PIH1D1: variants seen among roughly 807,000 people sequenced by gnomAD.
The protein encoded by PIH1D1 is PIH1 domain-containing protein 1.
A neutral mutation model predicts 38.5 loss-of-function variants in PIH1D1; 28 were observed. That is an observed-to-expected ratio of 0.73 (90% CI 0.54 to 1.00). The LOEUF (loss-of-function observed/expected upper bound fraction) is 1.00. Among genes scored for constraint, PIH1D1 ranks in the 50% least tolerant of loss-of-function variants. The pLI is 0.00. For synonymous variants in PIH1D1, 155 were observed against 153.5 expected, an observed-to-expected ratio of 1.01 and a Z score of -0.07; for missense variants, 343 against 369.9, an observed-to-expected ratio of 0.93 and a Z score of 0.60.
At position 49,451,538 on chromosome 19, in the gene PIH1D1, C is replaced by A. The variant is rs1285689865; in HGVS notation, c.37G>T (p.Glu13Ter). 6.2e-7 allele frequency: 1 copy of A among 1,613,666 alleles called. No individual in the cohort carries two copies. The highest frequency in any genetic ancestry group is 8.5e-7 in the Non-Finnish European group (1 of 1,179,980). ...NPKLLGMGLS[E>*]AEAIGADSAR... ...GAATCAGCACCGATCGCCTCCGCCT[C>A]GCTTAGCCCCATTCCCAGCAGCTTC... Residue 13 changes from glutamate (E) to a stop codon, truncating the protein, a stop_gained, in exon 1 of 9, where the codon GAG (glutamate) becomes TAG (stop). Transcript: ENST00000262265. LOFTEE classifies it high-confidence loss of function.
intron 1 of PIH1D1, 144 bp from the exon 2 acceptor site, chr19:49,450,992 A>G: frequency 6.7e-7 from 1 of 1,490,808 alleles, no homozygotes. Context: ...TCCTTTGAGA[A>G]CTAGAAGAAC....
rs372579890 is a variant in PIH1D1 at position 49,451,575 on chromosome 19, G to A, written c.-1C>T. ...TTCCCAGCAGCTTCGGGTTCGCCAT[G>A]GCCCTGGGAAAGAGATCTAGGCGTC... On this transcript the variant is annotated 5_prime_UTR_variant, in exon 1 of 9. Transcript: ENST00000262265. The A allele has an allele frequency of 5.2e-4, 831 of 1,612,988 alleles. 1 individual carries two copies. Among genetic ancestry groups the A allele is most frequent in the South Asian group, 8.0e-4 (73 of 91,074 alleles).
chr19:49,447,204 C>T, intron 6 of PIH1D1, 105 bp from the exon 7 acceptor site: 2 of 1,486,460 alleles, frequency 1.3e-6, no homozygotes, highest in Non-Finnish European at 1.8e-6. Context: ...AGGACGCCTT[C>T]CCAGTCAGGA....
chr19:49,447,270 G>A, intron 6 of PIH1D1, 68 bp downstream of exon 6: 1 of 1,597,110 alleles, frequency 6.3e-7, no homozygotes, highest in South Asian at 1.1e-5. Context: ...CCCAGTGTGG[G>A]AGGATGGAGG....
At chr19:49,450,503 C>A (rs1398476335) in intron 2 of PIH1D1, among the ~76,000 whole-genome samples, 2 of 152,128 alleles carry the variant, frequency 1.3e-5, no homozygotes, top group South Asian at 4.1e-4. Flanking sequence ...ACTGCAACTT[C>A]TGCCTCTTGG....
intron 2 of PIH1D1, among the ~76,000 whole-genome samples, chr19:49,450,263 G>A (rs1268986276): frequency 2.0e-5 from 3 of 151,558 alleles, no homozygotes; most frequent in Non-Finnish European, 4.4e-5. Flanking sequence ...AGCTAATTTT[G>A]TTTATTTTTA....
At position 49,446,338 on chromosome 19, in the gene PIH1D1, G is replaced by A. The variant is rs2122323432; in HGVS notation, c.*44C>T. ...TTTATTTCAACTTTTAGGGAAGCCA[G>A]CAGCCTCTTCTCCACATCTCAGAAG... On this transcript the variant is annotated 3_prime_UTR_variant, in exon 9 of 9. Transcript: ENST00000262265. 3 of 785,162 alleles carry A rather than the reference G, an allele frequency of 3.8e-6. No homozygotes were observed. Among genetic ancestry groups the A allele is most frequent in the South Asian group, 1.3e-5 (1 of 74,694 alleles). 48.6% of individuals were successfully genotyped at this position (785,162 alleles called of 1,614,324 possible). A position where few individuals can be genotyped will look rare whatever the true frequency, so the allele number is the denominator to read the frequency against.
intron 1 of PIH1D1, 155 bp from the exon 2 acceptor site, chr19:49,451,003 A>C (rs1411996140): frequency 4.6e-6 from 6 of 1,310,536 alleles, no homozygotes; most frequent in Non-Finnish European, 6.2e-6. Context: ...CTAGAAGAAC[A>C]ACCCCAACCC....
intron 2 of PIH1D1, 84 bp from the exon 3 acceptor site, chr19:49,449,738 C>T (rs1353067434): frequency 6.7e-6 from 8 of 1,190,604 alleles, no homozygotes; most frequent in Non-Finnish European, 9.5e-6. Flanking sequence ...TGTCTCTTTT[C>T]CTTTTGCCCT....
Position 49,447,892 on chromosome 19 carries a change from C to T in PIH1D1, c.416G>A (p.Arg139Gln), listed in dbSNP as rs767586614. The change falls in exon 5 of 9, where the codon CGG (arginine) becomes CAG (glutamine). Residue 139 changes from arginine to glutamine, a missense_variant. By Grantham distance (43) the Arg-to-Gln change is conservative. Transcript: ENST00000262265. ...YRRMQNSDFL[R>Q]ELVITIAREG... ...CCTGGCGATGGTGATCACGAGCTCC[C>T]GCAAGAAATCGCTGTTCTGGGGTGA... The T allele has an allele frequency of 1.9e-6, 3 of 1,613,956 alleles. No individual in the cohort carries two copies. The highest frequency in any genetic ancestry group is 3.3e-5 in the Admixed American group (2 of 60,000).
Position 49,451,686 on chromosome 19 carries a change from A to G in PIH1D1, c.-112T>C. 6.7e-7 allele frequency: 1 copy of G among 1,488,738 alleles called. No homozygotes were observed. Among genetic ancestry groups the G allele is most frequent in the Non-Finnish European group, 8.9e-7 (1 of 1,123,168 alleles). The allele number at this position is 1,488,738 out of a possible 1,614,324, so 92.2% of individuals were successfully genotyped here. A position where few individuals can be genotyped will look rare whatever the true frequency, so the allele number is the denominator to read the frequency against. On this transcript the variant is annotated 5_prime_UTR_variant, in exon 1 of 9. Transcript: ENST00000262265. Reference sequence around the variant, plus strand: ...CCTCAATCGACTCCGGATACCTACTATCCTGTTCAAAAACCTAAGACTGGC... The same window carrying G: ...CCTCAATCGACTCCGGATACCTACTGTCCTGTTCAAAAACCTAAGACTGGC...
At position 49,448,065 on chromosome 19, in the gene PIH1D1, G is replaced by T; in HGVS notation, c.338-3C>A. ...GTAGGCGGTACATCCCTGGCCTTCT[G>T]CGGGGAGAAAAAGGGGGTGAGGACC... is the stretch of plus-strand genomic sequence containing the variant. On this transcript the variant is annotated splice_region_variant and splice_polypyrimidine_tract_variant and intron_variant, in intron 3 of 8. Transcript: ENST00000262265. 1 of 1,614,134 alleles carries T rather than the reference G, an allele frequency of 6.2e-7. No individual in the cohort carries two copies. Among genetic ancestry groups the T allele is most frequent in the South Asian group, 1.1e-5 (1 of 91,090 alleles).
chr19:49,447,217 T>G, intron 6 of PIH1D1, 118 bp from the exon 7 acceptor site: 2 of 1,501,110 alleles, frequency 1.3e-6, no homozygotes, highest in Non-Finnish European at 1.8e-6. Context: ...AGTCAGGAGT[T>G]CTCTCTCCTC....
At position 49,448,073 on chromosome 19, in the gene PIH1D1, A is replaced by G. The variant is rs200991965; in HGVS notation, c.338-11T>C. The G allele has an allele frequency of 4.7e-4, 753 of 1,613,498 alleles. 1 individual carries two copies. Among genetic ancestry groups the G allele is most frequent in the African/African-American group, 3.3e-3 (247 of 75,002 alleles). On this transcript the variant is annotated splice_polypyrimidine_tract_variant and intron_variant, in intron 3 of 8. Coordinates refer to ENST00000262265, the MANE Select transcript of PIH1D1 (RefSeq NM_017916.3). ...TACATCCCTGGCCTTCTGCGGGGAG[A>G]AAAAGGGGGTGAGGACCCCCCAGCC...
chr19:49,446,334 G>C lies in PIH1D1; in HGVS notation c.*48C>G, dbSNP rs1400903283. On this transcript the variant is annotated 3_prime_UTR_variant, in exon 9 of 9. Coordinates refer to ENST00000262265, the MANE Select transcript of PIH1D1 (RefSeq NM_017916.3). ...ATCTTTTATTTCAACTTTTAGGGAA[G>C]CCAGCAGCCTCTTCTCCACATCTCA... 1 of 784,308 alleles carries C rather than the reference G, an allele frequency of 1.3e-6. No individual in the cohort carries two copies. The allele number at this position is 784,308 out of a possible 1,614,324, so 48.6% of individuals were successfully genotyped here. A position where few individuals can be genotyped will look rare whatever the true frequency, so the allele number is the denominator to read the frequency against.
At chr19:49,450,135 A>C (rs1345953916) in intron 2 of PIH1D1, among the ~76,000 whole-genome samples, 2 of 151,892 alleles carry the variant, frequency 1.3e-5, no homozygotes, top group East Asian at 3.9e-4. Context: ...TGTGTCACCC[A>C]GGTTGGAGTG....
rs750947391 is a variant in PIH1D1 at position 49,446,670 on chromosome 19, C to G, written c.712G>C (p.Glu238Gln). The change falls in exon 8 of 9, where the codon GAG becomes CAG. Residue 238 changes from glutamate (E) to glutamine (Q), a missense_variant. Transcript: ENST00000262265. ...ATCACCAGGCGGTTCTCCCCGATCTCCAGCGACAGCCCCAGGGCTCCATCC... is the reference window on the plus strand; with the variant it reads ...ATCACCAGGCGGTTCTCCCCGATCTGCAGCGACAGCCCCAGGGCTCCATCC... Reference protein sequence around the residue: ...KLDGALGLSLEIGENRLVMGG... With the variant: ...KLDGALGLSLQIGENRLVMGG... The G allele has an allele frequency of 6.3e-7, 1 of 1,580,978 alleles. No homozygotes were observed. The highest frequency in any genetic ancestry group is 8.6e-7 in the Non-Finnish European group (1 of 1,163,628).
At chr19:49,449,450 T>C in intron 3 of PIH1D1, 25 bp downstream of exon 3, 1 of 1,612,544 alleles carries the variant, frequency 6.2e-7, no homozygotes, top group Non-Finnish European at 8.5e-7. Context: ...CGGGCCAGAC[T>C]CCTGGGTCCT....
At position 49,448,063 on chromosome 19, in the gene PIH1D1, C is replaced by G; in HGVS notation, c.338-1G>C. On this transcript the variant is annotated splice_acceptor_variant, in intron 3 of 8. Coordinates refer to ENST00000262265, the MANE Select transcript of PIH1D1 (RefSeq NM_017916.3). LOFTEE classifies it high-confidence loss of function. ...TCGTAGGCGGTACATCCCTGGCCTT[C>G]TGCGGGGAGAAAAAGGGGGTGAGGA... 6.2e-7 allele frequency: 1 copy of G among 1,614,152 alleles called. No individual in the cohort carries two copies. The highest frequency in any genetic ancestry group is 8.5e-7 in the Non-Finnish European group (1 of 1,180,006).
Sources: allele counts gnomAD v4.1 joint callset (sites outside exome capture counted in the v4.1 genomes callset), GRCh38; gene constraint gnomAD v4.1.1; transcripts MANE v1.5; gene names NCBI Gene and HGNC (gene_info 2026-07-23, HGNC 2026-07-21).